UTS2B: variants seen among roughly 807,000 people sequenced by gnomAD.
UTS2B encodes the protein urotensin 2B, also known as urotensin-2B.
UTS2B carries 21 observed loss-of-function variants against 19.2 expected under a neutral mutation model. The observed-to-expected ratio is 1.09, with a 90% confidence interval of 0.78 to 1.58. The LOEUF (loss-of-function observed/expected upper bound fraction) is 1.58. Ranked by LOEUF, UTS2B falls within the 40% of genes most tolerant of loss-of-function variation. The pLI, the probability that UTS2B is intolerant of heterozygous loss-of-function variation, is 0.00. For missense variants in UTS2B, 138 were observed against 130.3 expected, an observed-to-expected ratio of 1.06 and a Z score of -0.29; for synonymous variants, 57 against 50.2, an observed-to-expected ratio of 1.14 and a Z score of -0.58.
upstream of UTS2B, among the ~76,000 whole-genome samples, chr3:191,334,452 C>T (rs1718079265): frequency 6.6e-6 from 1 of 152,088 alleles, no homozygotes; most frequent in Admixed American, 6.6e-5. Context: ...TTAATTGGTA[C>T]TTTAAAAAGA....
chr3:191,322,728 T>C (rs1283577343), intron 2 of UTS2B, among the ~76,000 whole-genome samples: 1 of 152,010 alleles, frequency 6.6e-6, no homozygotes, highest in Non-Finnish European at 1.5e-5. Flanking sequence ...ATTTTGGGAG[T>C]AATATCTTTG....
intron 3 of UTS2B, among the ~76,000 whole-genome samples, chr3:191,305,597 T>C (rs959416905): frequency 1.6e-4 from 24 of 152,218 alleles, no homozygotes; most frequent in Admixed American, 6.5e-5. Context: ...AAAATTTTTC[T>C]CCCATTATGT....
chr3:191,321,726 T>C (rs1379652671), intron 2 of UTS2B, among the ~76,000 whole-genome samples: 1 of 152,160 alleles, frequency 6.6e-6, no homozygotes, highest in Non-Finnish European at 1.5e-5. Context: ...ATATGATATA[T>C]AAAAATATAT....
upstream of UTS2B, among the ~76,000 whole-genome samples, chr3:191,331,080 G>A (rs3796219): frequency 0.094 from 14,266 of 152,200 alleles, 715 homozygotes; most frequent in East Asian, 0.25. Context: ...ATACTTTTGA[G>A]AGTTCTTATC....
intron 5 of UTS2B, among the ~76,000 whole-genome samples, chr3:191,281,811 G>T (rs950224258): frequency 1.3e-5 from 2 of 151,362 alleles, no homozygotes; most frequent in Non-Finnish European, 2.9e-5. Context: ...TGAGAAACAA[G>T]TGCCCCAATA....
At chr3:191,280,858 T>G (rs1716366859) in intron 5 of UTS2B, among the ~76,000 whole-genome samples, 1 of 152,150 alleles carries the variant, frequency 6.6e-6, no homozygotes, top group South Asian at 2.1e-4. Flanking sequence ...CAATATTTCA[T>G]AGAAAGAGCA....
chr3:191,267,929 T>C lies in UTS2B; in HGVS notation c.*487A>G, dbSNP rs72499603. On this transcript the variant is annotated 3_prime_UTR_variant, in exon 9 of 9. Coordinates refer to ENST00000340524, the MANE Select transcript of UTS2B (RefSeq NM_198152.5). ...ACAAAAGCTGGTTACAAACAATCCA[T>C]GGAAACAGGACATGAAGCTAGACAA... The C allele has an allele frequency of 0.03, 4,526 of 152,244 alleles. 132 individuals are homozygous for C. Among genetic ancestry groups the C allele is most frequent in the Middle Eastern group, 0.13 (39 of 294 alleles). The allele number at this position is 152,244 out of a possible 1,614,324, so 9.4% of individuals were successfully genotyped here. A position where few individuals can be genotyped will look rare whatever the true frequency, so the allele number is the denominator to read the frequency against.
intron 2 of UTS2B, among the ~76,000 whole-genome samples, chr3:191,325,524 T>C (rs905504640): frequency 2.6e-5 from 4 of 152,106 alleles, no homozygotes; most frequent in African/African-American, 4.8e-5. Flanking sequence ...GTGAATTCCA[T>C]AGGGTGAGGG....
chr3:191,317,059 AG>A (rs1289182072), intron 2 of UTS2B, among the ~76,000 whole-genome samples: 1 of 152,194 alleles, frequency 6.6e-6, no homozygotes, highest in Non-Finnish European at 1.5e-5. Context: ...GCCTTGGAGC[AG>A]GGGGTGGTGC....
chr3:191,336,547 A>C, the UTS2B span, among the ~76,000 whole-genome samples: 58 of 152,222 alleles, frequency 3.8e-4, no homozygotes, highest in African/African-American at 1.4e-3. Flanking sequence ...GGAGTTCTTT[A>C]CATATTCTGG....
chr3:191,323,131 G>A (rs1019676752), intron 2 of UTS2B, among the ~76,000 whole-genome samples: 18 of 82,698 alleles, frequency 2.2e-4, no homozygotes, highest in African/African-American at 8.8e-4. Flanking sequence ...TTTCAGTGCT[G>A]TTATTTTATT....
chr3:191,298,306 T>A (rs760393635), intron 4 of UTS2B, among the ~76,000 whole-genome samples: 41 of 152,320 alleles, frequency 2.7e-4, no homozygotes, highest in African/African-American at 9.1e-4. Context: ...TATGTCAAAT[T>A]GTAATCCCCA....
intron 4 of UTS2B, among the ~76,000 whole-genome samples, chr3:191,289,721 ATG>A (rs1716662375): frequency 6.6e-6 from 1 of 152,194 alleles, no homozygotes; most frequent in Non-Finnish European, 1.5e-5. Flanking sequence ...TTTCACTTTT[ATG>A]TGGAATCTAA....
At chr3:191,344,289 T>C in the UTS2B span, among the ~76,000 whole-genome samples, 15 of 152,336 alleles carry the variant, frequency 9.8e-5, no homozygotes. Flanking sequence ...TCTAGAGCAG[T>C]CCTATCTAAT....
the UTS2B span, among the ~76,000 whole-genome samples, chr3:191,339,714 T>C: frequency 1.3e-5 from 2 of 152,344 alleles, no homozygotes; most frequent in African/African-American, 4.8e-5. Context: ...TTTTAGTAAA[T>C]GTTACAGTCC....
At chr3:191,312,640 G>A (rs751130364) in intron 3 of UTS2B, among the ~76,000 whole-genome samples, 11 of 152,154 alleles carry the variant, frequency 7.2e-5, no homozygotes, top group Non-Finnish European at 1.5e-4. Flanking sequence ...CACAGGTGAA[G>A]TTTTTAATAA....
chr3:191,318,172 T>G (rs1717517876), intron 2 of UTS2B, among the ~76,000 whole-genome samples: 1 of 152,252 alleles, frequency 6.6e-6, no homozygotes, highest in Admixed American at 6.5e-5. Flanking sequence ...TCCTACATTC[T>G]GTTTTCCTTT....
intron 3 of UTS2B, among the ~76,000 whole-genome samples, chr3:191,307,693 T>C (rs1012499827): frequency 2.0e-5 from 3 of 152,330 alleles, no homozygotes; most frequent in African/African-American, 7.2e-5. Flanking sequence ...TTCTCCTCCC[T>C]GCTCTAGGCA....
chr3:191,326,765 T>G (rs1717754124), intron 2 of UTS2B, among the ~76,000 whole-genome samples: 1 of 152,250 alleles, frequency 6.6e-6, no homozygotes, highest in Non-Finnish European at 1.5e-5. Context: ...CTCTTCCCCG[T>G]GTTACTGTCA....
Sources: allele counts gnomAD v4.1 joint callset (sites outside exome capture counted in the v4.1 genomes callset), GRCh38; gene constraint gnomAD v4.1.1; transcripts MANE v1.5; gene names NCBI Gene and HGNC (gene_info 2026-07-23, HGNC 2026-07-21).